The following TRIP12 variants were observed in gnomAD, a reference collection of about 807,000 sequenced individuals.
The protein encoded by TRIP12 is E3 ubiquitin-protein ligase TRIP12.
TRIP12 carries 25 observed loss-of-function variants against 244.2 expected under a neutral mutation model. The observed-to-expected ratio is 0.10, with a 90% confidence interval of 0.07 to 0.14. The LOEUF (loss-of-function observed/expected upper bound fraction) is 0.14, where lower values mean the gene tolerates loss of function less well. Among genes scored for constraint, TRIP12 ranks in the 10% least tolerant of loss-of-function variants. The pLI is 1.00. For missense variants in TRIP12, 1,677 were observed against 2,486.4 expected (o/e 0.67, Z 6.92); for synonymous variants, 905 against 873.1 (o/e 1.04, Z -0.64).
intron 34 of TRIP12, among the ~76,000 whole-genome samples, chr2:229,785,092 A>T (rs1210594816): frequency 6.6e-6 from 1 of 152,268 alleles, no homozygotes; most frequent in Admixed American, 6.5e-5. Flanking sequence ...CTCAATATAT[A>T]GTTCATATAA....
chr2:229,845,526 T>C (rs1014011246), intron 4 of TRIP12, among the ~76,000 whole-genome samples: 10 of 152,110 alleles, frequency 6.6e-5, no homozygotes, highest in Non-Finnish European at 2.9e-5. Flanking sequence ...TGACCCAGAC[T>C]TTGAGGGGGA....
Position 229,777,332 on chromosome 2 carries a change from C to G in TRIP12, c.5512G>C (p.Glu1838Gln). The G allele has an allele frequency of 6.2e-7, 1 of 1,612,920 alleles. No individual in the cohort carries two copies. The highest frequency in any genetic ancestry group is 8.5e-7 in the Non-Finnish European group (1 of 1,179,182). ...EDIVRQKKRL[E>Q]QDKSQTKESL... ...AAGCCTACCTGGGATTTATCTTGTT[C>G]AAGTCTTTTCTTCTGTCTGACAATG... The change falls in exon 37 of 42, where the codon GAA (glutamate) becomes CAA (glutamine). Residue 1838 changes from glutamate to glutamine, a missense_variant. Around this residue, in one of 11 missense-constraint regions of TRIP12, gnomAD observed 171 missense variants for 388.4 expected, o/e 0.44. Coordinates refer to ENST00000675903, the MANE Select transcript of TRIP12 (RefSeq NM_001348323.3).
intron 9 of TRIP12, 35 bp downstream of exon 9, chr2:229,818,329 A>C: frequency 6.2e-7 from 1 of 1,608,370 alleles, no homozygotes; most frequent in Middle Eastern, 1.7e-4. Context: ...CAGAGGACAA[A>C]TGAGGTAAAA....
intron 32 of TRIP12, among the ~76,000 whole-genome samples, chr2:229,788,313 G>A (rs760281560): frequency 4.4e-4 from 67 of 152,248 alleles, no homozygotes; most frequent in Non-Finnish European, 7.8e-4. Context: ...CCACCTTCAT[G>A]AGGCACTTGA....
intron 4 of TRIP12, among the ~76,000 whole-genome samples, chr2:229,845,802 G>A (rs1257637007): frequency 6.6e-6 from 1 of 152,064 alleles, no homozygotes; most frequent in African/African-American, 2.4e-5. Context: ...GAGGCAGGAG[G>A]ATTGCTGGAG....
chr2:229,846,012 T>C (rs1267890375), intron 4 of TRIP12, among the ~76,000 whole-genome samples: 17 of 90,220 alleles, frequency 1.9e-4, no homozygotes, highest in African/African-American at 4.6e-4. Flanking sequence ...CTCTCTTTTT[T>C]TCAAAAAAAA....
intron 2 of TRIP12, among the ~76,000 whole-genome samples, chr2:229,866,276 G>GT (rs1235428025): frequency 2.6e-5 from 4 of 152,292 alleles, no homozygotes; most frequent in Non-Finnish European, 5.9e-5. Flanking sequence ...TTTACCAAGA[G>GT]TCAGGCACCG....
chr2:229,898,930 T>C (rs1351854413), intron 1 of TRIP12, among the ~76,000 whole-genome samples: 1 of 152,206 alleles, frequency 6.6e-6, no homozygotes, highest in African/African-American at 2.4e-5. Context: ...CTTAAACTCC[T>C]GGCTTCAAAC....
At chr2:229,848,348 C>A (rs1210005746) in intron 4 of TRIP12, among the ~76,000 whole-genome samples, 1 of 133,010 alleles carries the variant, frequency 7.5e-6, no homozygotes, top group Admixed American at 8.5e-5. Flanking sequence ...CACACAAATA[C>A]TTGAGATTAC....
chr2:229,783,027 A>G (rs1473209418), intron 34 of TRIP12, among the ~76,000 whole-genome samples: 1 of 152,232 alleles, frequency 6.6e-6, no homozygotes, highest in African/African-American at 2.4e-5. Flanking sequence ...AGACTAGAAG[A>G]GAAGTTTCAT....
At position 229,902,508 on chromosome 2, in the gene TRIP12, T is replaced by C. The variant is rs115636206; in HGVS notation, c.-50+19372A>G. ...CACTGATATTATATCACATTACAAT[T>C]GCTGCAGATACCTCAAACTATCCTT... On this transcript the variant is annotated intron_variant, in intron 1 of 41. Transcript: ENST00000675903. 6.3e-3 allele frequency among the ~76,000 whole-genome samples: 957 copies of C among 152,350 alleles called. 8 individuals carry two copies. Among genetic ancestry groups the C allele is most frequent in the South Asian group, 0.018 (86 of 4,832 alleles).
chr2:229,788,743 C>A, intron 32 of TRIP12, 55 bp downstream of exon 32: 1 of 1,582,934 alleles, frequency 6.3e-7, no homozygotes, highest in Non-Finnish European at 8.6e-7. Flanking sequence ...CAAAATACAT[C>A]AAGACCAACC....
At chr2:229,922,663 G>A, upstream of TRIP12, 2 of 1,582,836 alleles carry the variant, frequency 1.3e-6, no homozygotes, top group Non-Finnish European at 1.7e-6. Context: ...TGGCCCGGTT[G>A]GGGCCCGGGA....
At chr2:229,891,062 T>C (rs1479444257) in intron 1 of TRIP12, among the ~76,000 whole-genome samples, 1 of 152,184 alleles carries the variant, frequency 6.6e-6, no homozygotes, top group East Asian at 1.9e-4. Flanking sequence ...AGAAGGTGGC[T>C]TGAGCCCAGG....
intron 5 of TRIP12, 44 bp downstream of exon 5, chr2:229,840,778 C>T: frequency 1.6e-6 from 2 of 1,275,464 alleles, no homozygotes; most frequent in Non-Finnish European, 2.2e-6. Context: ...AATTGAGCAA[C>T]AGAATAAAAA....
chr2:229,785,567 G>A (rs914394049), intron 34 of TRIP12, among the ~76,000 whole-genome samples, 190 bp downstream of exon 34: 2 of 152,048 alleles, frequency 1.3e-5, no homozygotes, highest in Non-Finnish European at 2.9e-5. Flanking sequence ...TCTTACGCCA[G>A]GAAAAAAACT....
chr2:229,829,614 A>T (rs1224758656), intron 7 of TRIP12, among the ~76,000 whole-genome samples: 1 of 152,236 alleles, frequency 6.6e-6, no homozygotes, highest in South Asian at 2.1e-4. Flanking sequence ...ATAAAACCAT[A>T]TGAAAACAGT....
chr2:229,830,135 T>G (rs1288204624), intron 7 of TRIP12, among the ~76,000 whole-genome samples: 1 of 152,176 alleles, frequency 6.6e-6, no homozygotes, highest in Non-Finnish European at 1.5e-5. Flanking sequence ...ATACATAGTA[T>G]TAGGCTGCTT....
intron 9 of TRIP12, 28 bp from the exon 10 acceptor site, chr2:229,815,336 A>G (rs761317451): frequency 1.5e-6 from 2 of 1,317,542 alleles, no homozygotes; most frequent in Admixed American, 2.2e-5. Context: ...AAATATTAGA[A>G]GCTATATTCC....
Sources: allele counts gnomAD v4.1 joint callset (sites outside exome capture counted in the v4.1 genomes callset), GRCh38; gene constraint gnomAD v4.1.1; regional missense constraint gnomAD v4.1.1; transcripts MANE v1.5; gene names NCBI Gene and HGNC (gene_info 2026-07-23, HGNC 2026-07-21).